Variants in GALNT13 observed in about 807,000 individuals in gnomAD.
GALNT13 encodes the protein polypeptide N-acetylgalactosaminyltransferase 13.
GALNT13 carries 28 observed loss-of-function variants against 64.2 expected under a neutral mutation model. The ratio of observed to expected loss-of-function variants is 0.44; its 90% CI spans 0.32 to 0.60. The LOEUF (loss-of-function observed/expected upper bound fraction) is 0.60. GALNT13 is among the 20% of genes least tolerant of loss of function. GALNT13 has a pLI of 0.05. For synonymous variants in GALNT13, 214 were observed against 224.6 expected (o/e 0.95, Z 0.42); for missense variants, 577 against 669.8 (o/e 0.86, Z 1.53).
At chr2:154,008,959 C>A (rs1696442246) in intron 3 of GALNT13, among the ~76,000 whole-genome samples, 1 of 152,090 alleles carries the variant, frequency 6.6e-6, no homozygotes, top group Non-Finnish European at 1.5e-5. Flanking sequence ...ATATACTCAA[C>A]AATGGGATTG....
At chr2:154,424,442 T>A (rs1453082994) in intron 11 of GALNT13, among the ~76,000 whole-genome samples, 1 of 152,188 alleles carries the variant, frequency 6.6e-6, no homozygotes, top group Non-Finnish European at 1.5e-5. Context: ...ACCACTGTCT[T>A]TCGTAACACA....
the GALNT13 span, among the ~76,000 whole-genome samples, chr2:153,369,735 C>T: frequency 0.13 from 19,917 of 152,098 alleles, 1,403 homozygotes; most frequent in Middle Eastern, 0.16. Context: ...ACTGCTTGCC[C>T]TAGGGAAATT....
rs149797897 is a variant in GALNT13 at position 154,202,488 on chromosome 2, G to T, written c.312-39542G>T. 5.1e-3 allele frequency among the ~76,000 whole-genome samples: 783 copies of T among 152,076 alleles called. 9 individuals carry two copies. The highest frequency in any genetic ancestry group is 0.018 in the African/African-American group (743 of 41,492). ...TTACAGATTATGATTATGACTCTCA[G>T]TATCCTCTTTCTTTAGCCATGGGCC... On this transcript the variant is annotated intron_variant, in intron 4 of 12. Transcript: ENST00000392825.
At chr2:154,359,905 A>G (rs1174064585) in intron 9 of GALNT13, among the ~76,000 whole-genome samples, 2 of 152,104 alleles carry the variant, frequency 1.3e-5, no homozygotes, top group African/African-American at 2.4e-5. Context: ...ATGTAATAGA[A>G]TGCTGTCTAA....
At chr2:153,337,746 C>T in the GALNT13 span, 5 of 152,322 alleles carry the variant, frequency 3.3e-5, no homozygotes, top group Admixed American at 2.6e-4. Context: ...GTGACCCACA[C>T]CTCCTCAGGA....
chr2:153,264,181 A>G, the GALNT13 span, among the ~76,000 whole-genome samples: 9 of 152,360 alleles, frequency 5.9e-5, no homozygotes, highest in African/African-American at 1.9e-4. Context: ...CAACAAACAT[A>G]TGAAAAGCTC....
the GALNT13 span, among the ~76,000 whole-genome samples, chr2:153,775,795 A>C: frequency 6.6e-6 from 1 of 152,160 alleles, no homozygotes; most frequent in Non-Finnish European, 1.5e-5. Context: ...GACACAATGC[A>C]ACACACTGAA....
chr2:153,312,620 A>C, the GALNT13 span, among the ~76,000 whole-genome samples: 7 of 152,350 alleles, frequency 4.6e-5, no homozygotes, highest in East Asian at 1.3e-3. Flanking sequence ...CAAAAGTGGC[A>C]GCATCAAATC....
intron 3 of GALNT13, among the ~76,000 whole-genome samples, chr2:154,132,337 T>G (rs1435029968): frequency 4.4e-5 from 1 of 22,652 alleles, no homozygotes; most frequent in Non-Finnish European, 8.7e-5. Flanking sequence ...TATACTTCAT[T>G]TAACTTGTTT....
At chr2:153,941,369 C>T (rs967294826) in intron 2 of GALNT13, among the ~76,000 whole-genome samples, 2 of 152,138 alleles carry the variant, frequency 1.3e-5, no homozygotes, top group Admixed American at 1.3e-4. Context: ...CATAGACAAT[C>T]TTGCTGATAC....
chr2:153,874,863 A>G (rs752733282), intron 1 of GALNT13, among the ~76,000 whole-genome samples: 1 of 152,132 alleles, frequency 6.6e-6, no homozygotes, highest in Non-Finnish European at 1.5e-5. Context: ...TAACACAGTC[A>G]TTGCAGAATT....
At chr2:153,585,460 T>C in the GALNT13 span, among the ~76,000 whole-genome samples, 1 of 152,322 alleles carries the variant, frequency 6.6e-6, no homozygotes, top group African/African-American at 2.4e-5. Context: ...ATGAATTATT[T>C]GTATTTCCTG....
the GALNT13 span, among the ~76,000 whole-genome samples, chr2:153,502,706 A>G: frequency 6.6e-6 from 1 of 152,190 alleles, no homozygotes; most frequent in Non-Finnish European, 1.5e-5. Flanking sequence ...CCCACCAACA[A>G]TGTAAAAGTG....
chr2:154,026,103 A>C (rs1235324581), intron 3 of GALNT13, among the ~76,000 whole-genome samples: 1 of 152,172 alleles, frequency 6.6e-6, no homozygotes, highest in Non-Finnish European at 1.5e-5. Context: ...ATAACAGTAG[A>C]AGATTTATTT....
the GALNT13 span, among the ~76,000 whole-genome samples, chr2:153,716,774 T>C: frequency 2.6e-5 from 4 of 152,208 alleles, no homozygotes; most frequent in South Asian, 8.3e-4. Flanking sequence ...CTGTGAGTGG[T>C]AAAACTACTC....
the GALNT13 span, among the ~76,000 whole-genome samples, chr2:153,721,637 C>CA: frequency 6.7e-6 from 1 of 149,502 alleles, no homozygotes; most frequent in Non-Finnish European, 1.5e-5. Flanking sequence ...CAATGGAAAA[C>CA]AAAAAAAGGC....
chr2:154,344,936 G>A (rs1466019990), intron 9 of GALNT13, among the ~76,000 whole-genome samples: 1 of 151,994 alleles, frequency 6.6e-6, no homozygotes, highest in Admixed American at 6.6e-5. Flanking sequence ...ACTCCTCCAA[G>A]CACTGTGTGG....
chr2:153,749,041 A>G, the GALNT13 span, among the ~76,000 whole-genome samples: 1 of 151,958 alleles, frequency 6.6e-6, no homozygotes, highest in Non-Finnish European at 1.5e-5. Context: ...TCATTCTTCT[A>G]CATATGAATA....
chr2:154,329,148 C>G (rs1474825847), intron 9 of GALNT13, among the ~76,000 whole-genome samples: 16 of 152,118 alleles, frequency 1.1e-4, no homozygotes, highest in Non-Finnish European at 2.4e-4. Context: ...CTCTGTCACC[C>G]AGGCTAGAGT....
Sources: allele counts gnomAD v4.1 joint callset (sites outside exome capture counted in the v4.1 genomes callset), GRCh38; gene constraint gnomAD v4.1.1; transcripts MANE v1.5; gene names NCBI Gene and HGNC (gene_info 2026-07-23, HGNC 2026-07-21).